The following HECW1 variants were observed in gnomAD, a reference collection of about 807,000 sequenced individuals.
HECW1 encodes E3 ubiquitin-protein ligase HECW1.
In HECW1, 61 loss-of-function variants were observed where a neutral mutation model predicts 182.3. The ratio of observed to expected loss-of-function variants is 0.33; its 90% CI spans 0.27 to 0.41. The LOEUF (loss-of-function observed/expected upper bound fraction) is 0.41. Ranked by LOEUF, HECW1 falls within the 10% of genes least tolerant of loss-of-function variation. The pLI is 1.00. For synonymous variants in HECW1, 859 were observed against 832.6 expected, an observed-to-expected ratio of 1.03 and a Z score of -0.55; for missense variants, 1,739 against 2,108.9, an observed-to-expected ratio of 0.82 and a Z score of 3.44.
At chr7:43,348,260 G>GA (rs1813947210) in intron 5 of HECW1, among the ~76,000 whole-genome samples, 1 of 152,046 alleles carries the variant, frequency 6.6e-6, no homozygotes. Flanking sequence ...ATTTTTCCAG[G>GA]AATTTATCCA....
chr7:43,507,509 G>A (rs1187276891), intron 22 of HECW1, among the ~76,000 whole-genome samples: 2 of 151,982 alleles, frequency 1.3e-5, no homozygotes, highest in Non-Finnish European at 2.9e-5. Context: ...TTTAGACAAA[G>A]GCATGTCGAA....
At chr7:43,172,307 A>G (rs534955290) in intron 2 of HECW1, among the ~76,000 whole-genome samples, 1 of 152,154 alleles carries the variant, frequency 6.6e-6, no homozygotes, top group Admixed American at 6.5e-5. Context: ...ATAAATAAAT[A>G]AAATAAAATA....
At chr7:43,290,590 C>T (rs7794383) in intron 3 of HECW1, among the ~76,000 whole-genome samples, 57,416 of 152,080 alleles carry the variant, frequency 0.38, 15,130 homozygotes, top group African/African-American at 0.75. Flanking sequence ...TTTTCAGGTT[C>T]CTCTGGGGTC....
Position 43,320,654 on chromosome 7 carries a change from C to A in HECW1, c.372C>A (p.Asn124Lys). 8 of 1,613,802 alleles carry A rather than the reference C, an allele frequency of 5.0e-6. No individual in the cohort carries two copies. Among genetic ancestry groups the A allele is most frequent in the Non-Finnish European group, 6.8e-6 (8 of 1,179,702 alleles). ...MYLIDEVLSE[N>K]FLDYKNRGVN... is the part of the protein sequence containing the mutation. ...ATATAGATGAGGTCTTGTCCGAAAA[C>A]TTTCTGGACTATAAAAACCGTGGAG... Residue 124 changes from asparagine to lysine, a missense_variant, in exon 5 of 30, where the codon AAC (asparagine) becomes AAA (lysine). By Grantham distance (94) the Asn-to-Lys change is moderately conservative. Around this residue, in one of 5 missense-constraint regions of HECW1, gnomAD observed 279 missense variants for 353.1 expected, o/e 0.79. Coordinates refer to ENST00000395891, the MANE Select transcript of HECW1 (RefSeq NM_015052.5).
At chr7:43,476,539 C>T (rs2078225389) in intron 16 of HECW1, among the ~76,000 whole-genome samples, 1 of 151,896 alleles carries the variant, frequency 6.6e-6, no homozygotes, top group African/African-American at 2.4e-5. Context: ...TGAAAACAGA[C>T]AAGAATATGT....
At chr7:43,357,229 T>G (rs1263254810) in intron 5 of HECW1, among the ~76,000 whole-genome samples, 1 of 152,180 alleles carries the variant, frequency 6.6e-6, no homozygotes, top group African/African-American at 2.4e-5. Context: ...ACAGGGTATA[T>G]AGCAAAAGAA....
intron 27 of HECW1, among the ~76,000 whole-genome samples, chr7:43,551,593 A>G (rs2081829999): frequency 1.3e-5 from 2 of 152,224 alleles, no homozygotes; most frequent in Admixed American, 1.3e-4. Context: ...GAAAACTTCA[A>G]TGTGACTTAA....
chr7:43,377,064 G>A (rs2074361138), intron 6 of HECW1, among the ~76,000 whole-genome samples: 1 of 152,124 alleles, frequency 6.6e-6, no homozygotes, highest in Admixed American at 6.5e-5. Flanking sequence ...TTGTAAGCAG[G>A]TGAATGAATG....
intron 24 of HECW1, among the ~76,000 whole-genome samples, chr7:43,517,071 A>G (rs1487290985): frequency 1.3e-5 from 2 of 152,206 alleles, no homozygotes; most frequent in Admixed American, 6.5e-5. Context: ...TTGTGCTAAC[A>G]TGTATCATTT....
chr7:43,251,018 C>G (rs1584182064), intron 3 of HECW1, among the ~76,000 whole-genome samples: 3 of 152,298 alleles, frequency 2.0e-5, no homozygotes, highest in Middle Eastern at 6.8e-3. Context: ...TCATTCGTTA[C>G]TTCTCCCAGG....
At chr7:43,424,124 A>G (rs777688949) in intron 8 of HECW1, among the ~76,000 whole-genome samples, 2 of 152,204 alleles carry the variant, frequency 1.3e-5, no homozygotes. Flanking sequence ...CACTTCAGCC[A>G]GGCTCATCTC....
intron 14 of HECW1, among the ~76,000 whole-genome samples, chr7:43,465,904 A>AAG (rs933601037): frequency 1.3e-5 from 2 of 151,084 alleles, no homozygotes; most frequent in East Asian, 2.0e-4. Context: ...AAGAAAGACA[A>AAG]AGAGAGAGAG....
At chr7:43,238,103 G>C (rs1281337394) in intron 2 of HECW1, among the ~76,000 whole-genome samples, 1 of 152,222 alleles carries the variant, frequency 6.6e-6, no homozygotes, top group Non-Finnish European at 1.5e-5. Context: ...AGACAGCTCT[G>C]TTGTGGAGTT....
At chr7:43,249,327 C>G (rs894776447) in intron 3 of HECW1, 1 of 152,492 alleles carries the variant, frequency 6.6e-6, no homozygotes, top group East Asian at 1.9e-4. Context: ...TGAAGGACCA[C>G]GCCGTGCGGG....
rs1254569799 is a variant in HECW1 at position 43,562,312 on chromosome 7, A to C, written c.*386A>C. 1 of 239,200 alleles carries C rather than the reference A, an allele frequency of 4.2e-6. No homozygotes were observed. Among genetic ancestry groups the C allele is most frequent in the Non-Finnish European group, 8.2e-6 (1 of 122,214 alleles). 14.8% of individuals were successfully genotyped at this position (239,200 alleles called of 1,614,324 possible). ...TGAAGGGAAAATGTGAGCATTAAGC[A>C]CTCCAGGCTTTCATATGCCCATGTC... is the stretch of plus-strand genomic sequence containing the variant. On this transcript the variant is annotated 3_prime_UTR_variant, in exon 30 of 30. Transcript: ENST00000395891.
Position 43,144,866 on chromosome 7 carries a change from C to T in HECW1, c.-32+30475C>T, listed in dbSNP as rs1026184739. Among the ~76,000 whole-genome samples, 6 of 152,186 alleles carry T rather than the reference C, an allele frequency of 3.9e-5. No individual in the cohort carries two copies. In the South Asian group the frequency reaches 6.2e-4, roughly 16 times the overall value. Reference sequence around the variant, plus strand: ...CTGGTTTTACGGTATTTTTGATGTTCGAAAACCCAATTAAATTTTATGTAG... The same window carrying T: ...CTGGTTTTACGGTATTTTTGATGTTTGAAAACCCAATTAAATTTTATGTAG... On this transcript the variant is annotated intron_variant, in intron 2 of 29. Transcript: ENST00000395891.
intron 24 of HECW1, among the ~76,000 whole-genome samples, chr7:43,531,095 G>A (rs998214547): frequency 4.6e-5 from 7 of 152,288 alleles, no homozygotes; most frequent in African/African-American, 4.8e-5. Context: ...TGAATTGCAC[G>A]CTGTTCTAAA....
intron 3 of HECW1, among the ~76,000 whole-genome samples, chr7:43,252,014 ATCC>A (rs1692407118): frequency 6.6e-6 from 1 of 152,146 alleles, no homozygotes; most frequent in Non-Finnish European, 1.5e-5. Flanking sequence ...ATCCAGCAGT[ATCC>A]TCCTCCTGTT....
At chr7:43,417,318 G>C (rs2076044439) in intron 8 of HECW1, among the ~76,000 whole-genome samples, 1 of 152,152 alleles carries the variant, frequency 6.6e-6, no homozygotes. Context: ...CCAAAGTGCT[G>C]AGATTACAGG....
Sources: gnomAD v4.1 joint callset for allele counts (sites outside exome capture counted in the v4.1 genomes callset) on GRCh38, gnomAD v4.1.1 for gene constraint, gnomAD v4.1.1 regional missense constraint, MANE v1.5 for transcripts, NCBI Gene and HGNC (gene_info 2026-07-23, HGNC 2026-07-21) for gene names.